Variants in C10orf90 observed in about 807,000 individuals in gnomAD.
C10orf90 encodes chromosome 10 open reading frame 90, also known as (E2-independent) E3 ubiquitin-conjugating enzyme FATS.
C10orf90 carries 56 observed loss-of-function variants against 62.5 expected under a neutral mutation model. The ratio of observed to expected loss-of-function variants is 0.90; its 90% CI spans 0.72 to 1.12. The LOEUF is 1.12. Ranked by LOEUF, C10orf90 falls within the 50% of genes most tolerant of loss-of-function variation. C10orf90 has a pLI of 0.00. For synonymous variants in C10orf90, 386 were observed against 340.4 expected, an observed-to-expected ratio of 1.13 and a Z score of -1.47; for missense variants, 970 against 880.4, an observed-to-expected ratio of 1.10 and a Z score of -1.29.
At chr10:126,607,582 T>G (rs1161834496) in intron 2 of C10orf90, among the ~76,000 whole-genome samples, 1 of 152,220 alleles carries the variant, frequency 6.6e-6, no homozygotes, top group African/African-American at 2.4e-5. Context: ...TCCTGACAGA[T>G]TCTCAATAAT....
At chr10:126,524,745 C>A in intron 2 of C10orf90, 2 of 985,476 alleles carry the variant, frequency 2.0e-6, no homozygotes, top group Non-Finnish European at 2.4e-6. Context: ...CTGTATGGCC[C>A]CTAGGGTGCC....
intron 2 of C10orf90, among the ~76,000 whole-genome samples, chr10:126,607,081 G>A (rs577583476): frequency 4.6e-5 from 7 of 152,134 alleles, no homozygotes; most frequent in African/African-American, 7.2e-5. Context: ...AGATGGGTGC[G>A]GAAGTCATGA....
At chr10:126,470,466 A>G (rs533171322) in intron 4 of C10orf90, among the ~76,000 whole-genome samples, 98 of 152,356 alleles carry the variant, frequency 6.4e-4, no homozygotes, top group Non-Finnish European at 1.2e-3. Flanking sequence ...ATGGTGTCTC[A>G]CACATGTAAT....
At chr10:126,665,690 T>C (rs777870222) in intron 1 of C10orf90, among the ~76,000 whole-genome samples, 7 of 152,228 alleles carry the variant, frequency 4.6e-5, no homozygotes, top group Non-Finnish European at 1.0e-4. Flanking sequence ...GTCCTACAAT[T>C]GTCCCCACCT....
At chr10:126,540,529 C>T (rs185053793) in intron 2 of C10orf90, among the ~76,000 whole-genome samples, 30 of 152,180 alleles carry the variant, frequency 2.0e-4, no homozygotes, top group Admixed American at 7.2e-4. Flanking sequence ...CGTGGTGCCA[C>T]GTGCCTACCG....
intron 1 of C10orf90, among the ~76,000 whole-genome samples, chr10:126,662,531 T>C (rs1274111673): frequency 6.6e-6 from 1 of 152,204 alleles, no homozygotes; most frequent in Non-Finnish European, 1.5e-5. Context: ...TCACATCCTG[T>C]GTCTTCTCAG....
In C10orf90 at chr10:126,480,531, A is replaced by G. The variant is rs541566098; in HGVS notation, c.1535-15545T>C. On this transcript the variant is annotated intron_variant, in intron 4 of 9. Transcript: ENST00000488181. ...GCCCAGAGCTTGGGAGCTTTCAGGC[A>G]CATCAGTCTCTGCCTGGAGATGAAG... Among the ~76,000 whole-genome samples, 17 of 152,350 alleles carry G rather than the reference A, an allele frequency of 1.1e-4. No homozygotes were observed. In the East Asian group the frequency reaches 1.2e-3, roughly 10 times the overall value.
At chr10:126,430,385 A>G (rs565546384) in intron 7 of C10orf90, among the ~76,000 whole-genome samples, 4 of 152,224 alleles carry the variant, frequency 2.6e-5, no homozygotes, top group Non-Finnish European at 5.9e-5. Context: ...ATAATCATGT[A>G]TGCTCAGTAT....
intron 2 of C10orf90, among the ~76,000 whole-genome samples, chr10:126,643,889 C>T (rs899564065): frequency 6.6e-6 from 1 of 152,182 alleles, no homozygotes; most frequent in African/African-American, 2.4e-5. Context: ...CCTGTTCTTT[C>T]CCGAGGCAGA....
chr10:126,560,642 A>G (rs545955857), intron 2 of C10orf90, among the ~76,000 whole-genome samples: 8 of 152,248 alleles, frequency 5.3e-5, no homozygotes, highest in Non-Finnish European at 8.8e-5. Context: ...AGCCATCCCC[A>G]TGGAGACGCC....
At chr10:126,581,315 C>A (rs955901896) in intron 2 of C10orf90, among the ~76,000 whole-genome samples, 1 of 152,176 alleles carries the variant, frequency 6.6e-6, no homozygotes, top group Non-Finnish European at 1.5e-5. Context: ...CAGTGTTGCA[C>A]CAGGGAGAGC....
intron 2 of C10orf90, chr10:126,523,650 A>G (rs1179897058): frequency 1.3e-5 from 2 of 152,196 alleles, no homozygotes; most frequent in African/African-American, 4.8e-5. Flanking sequence ...CTTTCCTAAC[A>G]TGCAAGCATT....
intron 7 of C10orf90, among the ~76,000 whole-genome samples, chr10:126,432,377 C>T (rs775294096): frequency 1.5e-4 from 23 of 152,160 alleles, no homozygotes; most frequent in Non-Finnish European, 2.4e-4. Context: ...CTACATTTAA[C>T]GAGCAGTTAT....
chr10:126,517,017 G>A (rs905078089), intron 2 of C10orf90, among the ~76,000 whole-genome samples: 1 of 147,494 alleles, frequency 6.8e-6, no homozygotes, highest in Non-Finnish European at 1.5e-5. Flanking sequence ...CCCATCTCAA[G>A]GTTATTAACT....
intron 4 of C10orf90, among the ~76,000 whole-genome samples, chr10:126,486,164 G>A (rs963800573): frequency 6.6e-6 from 1 of 152,118 alleles, no homozygotes; most frequent in Non-Finnish European, 1.5e-5. Flanking sequence ...GAGAATGTAG[G>A]AAGTCAGACT....
intron 8 of C10orf90, among the ~76,000 whole-genome samples, chr10:126,427,611 C>T (rs1181411394): frequency 2.0e-5 from 3 of 152,158 alleles, no homozygotes; most frequent in Non-Finnish European, 4.4e-5. Flanking sequence ...GCTGTGTCTT[C>T]TGGCTTCCTT....
intron 1 of C10orf90, among the ~76,000 whole-genome samples, chr10:126,666,611 G>A (rs868102807): frequency 5.9e-5 from 9 of 152,116 alleles, no homozygotes; most frequent in Non-Finnish European, 1.3e-4. Context: ...CATTGCCAAT[G>A]CCTTCACGCT....
At chr10:126,474,758 G>A (rs1252130090) in intron 4 of C10orf90, among the ~76,000 whole-genome samples, 1 of 152,194 alleles carries the variant, frequency 6.6e-6, no homozygotes, top group Non-Finnish European at 1.5e-5. Context: ...TAAAACAAGG[G>A]AACTTTGGCA....
intron 2 of C10orf90, among the ~76,000 whole-genome samples, chr10:126,550,491 G>A (rs1864608755): frequency 6.6e-6 from 1 of 151,978 alleles, no homozygotes; most frequent in South Asian, 2.1e-4. Flanking sequence ...AGAACAAAGG[G>A]TATATGAAAT....
Sources: allele counts gnomAD v4.1 joint callset (sites outside exome capture counted in the v4.1 genomes callset), GRCh38; gene constraint gnomAD v4.1.1; transcripts MANE v1.5; gene names NCBI Gene and HGNC (gene_info 2026-07-23, HGNC 2026-07-21).